The following NRXN1 variants were observed in gnomAD, a reference collection of about 807,000 sequenced individuals.
NRXN1 encodes neurexin 1.
Under a neutral mutation model 150.9 loss-of-function variants are expected in NRXN1, and 39 were observed. The ratio of observed to expected loss-of-function variants is 0.26; its 90% CI spans 0.20 to 0.34. NRXN1 has a LOEUF of 0.34. Among genes scored for constraint, NRXN1 ranks in the 10% least tolerant of loss-of-function variants. The pLI, the probability that NRXN1 is intolerant of heterozygous loss-of-function variation, is 1.00. For synonymous variants in NRXN1, 924 were observed against 757.0 expected (o/e 1.22, Z -3.62); for missense variants, 1,815 against 1,949.9 (o/e 0.93, Z 1.30).
At chr2:50,483,281 C>A (rs1025609530) in intron 15 of NRXN1, among the ~76,000 whole-genome samples, 24 of 151,946 alleles carry the variant, frequency 1.6e-4, no homozygotes, top group Admixed American at 1.6e-3. Flanking sequence ...TGGGAATTTC[C>A]CACTCATTTT....
chr2:50,359,598 T>A (rs75160550), intron 17 of NRXN1, among the ~76,000 whole-genome samples: 1 of 151,850 alleles, frequency 6.6e-6, no homozygotes. Context: ...CCAAGATATA[T>A]GGGATTATAT....
chr2:50,608,672 T>C (rs1677534704), intron 8 of NRXN1, among the ~76,000 whole-genome samples: 1 of 152,264 alleles, frequency 6.6e-6, no homozygotes, highest in South Asian at 2.1e-4. Context: ...TCCTTGATGA[T>C]CACACCTTAT....
intron 13 of NRXN1, among the ~76,000 whole-genome samples, chr2:50,498,136 G>A (rs1362350464): frequency 6.6e-6 from 1 of 152,056 alleles, no homozygotes; most frequent in Admixed American, 6.5e-5. Context: ...CAGCCTCATG[G>A]ATAGGTGATG....
chr2:50,761,487 C>T (rs1235436782), intron 5 of NRXN1, among the ~76,000 whole-genome samples: 3 of 151,922 alleles, frequency 2.0e-5, no homozygotes, highest in East Asian at 1.9e-4. Flanking sequence ...TTGTCTTCTG[C>T]CATGATTGTG....
intron 5 of NRXN1, among the ~76,000 whole-genome samples, chr2:50,861,911 T>A (rs935685086): frequency 6.6e-6 from 1 of 151,986 alleles, no homozygotes; most frequent in Non-Finnish European, 1.5e-5. Flanking sequence ...TCTTAAGAAA[T>A]ACTCTCAGGG....
intron 5 of NRXN1, among the ~76,000 whole-genome samples, chr2:50,628,929 C>T (rs1681710406): frequency 6.6e-6 from 1 of 151,260 alleles, no homozygotes; most frequent in Non-Finnish European, 1.5e-5. Context: ...GCAAAGTAAA[C>T]CATAATGAAA....
Position 49,921,867 on chromosome 2 carries a change from A to C in NRXN1, c.*77T>G. The C allele has an allele frequency of 6.9e-7, 1 of 1,439,486 alleles. No homozygotes were observed. The highest frequency in any genetic ancestry group is 9.6e-7 in the Non-Finnish European group (1 of 1,040,216). The allele number at this position is 1,439,486 out of a possible 1,614,324, so 89.2% of individuals were successfully genotyped here. On this transcript the variant is annotated 3_prime_UTR_variant, in exon 23 of 23. Transcript: ENST00000401669. The stretch of plus-strand genomic sequence containing the variant: ...CTTTTGTATGTGCTTCATAAAAAGG[A>C]AAGTAAATAAGTTTATATTATGTCT...
Position 50,346,833 on chromosome 2 carries a change from G to A in NRXN1, c.3365-109863C>T, listed in dbSNP as rs1057521027. The A allele has an allele frequency of 3.1e-6, 5 of 1,610,612 alleles. No individual in the cohort carries two copies. Among genetic ancestry groups the A allele is most frequent in the Middle Eastern group, 1.7e-4 (1 of 5,914 alleles). On this transcript the variant is annotated intron_variant, in intron 17 of 22. Coordinates refer to ENST00000401669, the MANE Select transcript of NRXN1 (RefSeq NM_001330078.2). The surrounding 1 kb of genome is among the most constrained non-coding windows in gnomAD (Gnocchi z 5.0). ...CCACTCCTAGGAGGCCGCTGAGGGT[G>A]AGCGGGACTATCCAAAGCAGGGCCA...
At chr2:49,933,834 GCA>G in intron 22 of NRXN1, among the ~76,000 whole-genome samples, 1 of 152,300 alleles carries the variant, frequency 6.6e-6, no homozygotes, top group East Asian at 1.9e-4. Context: ...AATATGCACT[GCA>G]CACAGTGTCT....
At chr2:50,697,775 G>T (rs547466715) in intron 5 of NRXN1, among the ~76,000 whole-genome samples, 1 of 152,216 alleles carries the variant, frequency 6.6e-6, no homozygotes, top group East Asian at 1.9e-4. Context: ...AATAGGTTCT[G>T]CCCACATCTT....
intron 17 of NRXN1, among the ~76,000 whole-genome samples, chr2:50,450,966 G>T (rs1033308426): frequency 6.6e-6 from 1 of 152,138 alleles, no homozygotes. Context: ...GAAGTCACAT[G>T]CTTAAAATTT....
At chr2:50,657,637 G>A (rs1232700663) in intron 5 of NRXN1, among the ~76,000 whole-genome samples, 1 of 151,984 alleles carries the variant, frequency 6.6e-6, no homozygotes, top group Non-Finnish European at 1.5e-5. Context: ...GGGTGTTCTT[G>A]CTTCTCATTA....
chr2:50,985,719 G>A (rs1297069037), intron 2 of NRXN1, among the ~76,000 whole-genome samples: 2 of 151,510 alleles, frequency 1.3e-5, no homozygotes. Flanking sequence ...TTGAGATATG[G>A]GAGGCTGTGC....
At chr2:50,517,375 A>C (rs533667042) in intron 12 of NRXN1, among the ~76,000 whole-genome samples, 6 of 150,776 alleles carry the variant, frequency 4.0e-5, no homozygotes, top group Non-Finnish European at 8.9e-5. Context: ...TTCACTAAGT[A>C]TTTGTTGAAT....
At chr2:50,918,486 A>C in intron 5 of NRXN1, 1 of 349,222 alleles carries the variant, frequency 2.9e-6, no homozygotes, top group Non-Finnish European at 5.2e-6. Context: ...ATGAAGGAAA[A>C]GTACAAGCCT....
At chr2:51,016,956 G>A (rs1454016046) in intron 2 of NRXN1, among the ~76,000 whole-genome samples, 1 of 152,098 alleles carries the variant, frequency 6.6e-6, no homozygotes, top group Non-Finnish European at 1.5e-5. Flanking sequence ...CCTTTGCAGG[G>A]ACATGGATGA....
intron 18 of NRXN1, among the ~76,000 whole-genome samples, chr2:50,094,666 T>C (rs1047632125): frequency 1.3e-5 from 2 of 151,966 alleles, no homozygotes; most frequent in African/African-American, 4.8e-5. Context: ...AGGACACTTG[T>C]GGACCCTAGG....
intron 15 of NRXN1, among the ~76,000 whole-genome samples, chr2:50,476,009 T>C (rs2089959049): frequency 1.3e-5 from 2 of 152,106 alleles, no homozygotes; most frequent in South Asian, 4.1e-4. Context: ...AACTTTCCTG[T>C]AGATATGAAG....
intron 17 of NRXN1, among the ~76,000 whole-genome samples, chr2:50,268,407 G>A (rs1226941632): frequency 6.6e-6 from 1 of 152,116 alleles, no homozygotes. Context: ...ACCCAACAGT[G>A]ACCTGGGGAG....
Sources: gnomAD v4.1 joint callset for allele counts (sites outside exome capture counted in the v4.1 genomes callset) on GRCh38, gnomAD v4.1.1 for gene constraint, Gnocchi (gnomAD v3.1) non-coding constraint, MANE v1.5 for transcripts, NCBI Gene and HGNC (gene_info 2026-07-23, HGNC 2026-07-21) for gene names.